The following PARN variants were observed in gnomAD, a reference collection of about 807,000 sequenced individuals.
PARN encodes poly(A)-specific ribonuclease PARN.
A neutral mutation model predicts 102.8 loss-of-function variants in PARN; 71 were observed. The observed-to-expected ratio is 0.69, with a 90% confidence interval of 0.57 to 0.84. PARN has a LOEUF of 0.84. PARN is among the 40% of genes least tolerant of loss of function. PARN has a pLI of 0.00. For missense variants in PARN, 782 were observed against 760.9 expected, an observed-to-expected ratio of 1.03 and a Z score of -0.33; for synonymous variants, 261 against 252.9, an observed-to-expected ratio of 1.03 and a Z score of -0.30.
intron 20 of PARN, among the ~76,000 whole-genome samples, chr16:14,553,099 A>C (rs1261302044): frequency 6.6e-6 from 1 of 151,698 alleles, no homozygotes; most frequent in Non-Finnish European, 1.5e-5. Context: ...CTACTATTCT[A>C]AAATATCAAT....
At chr16:14,454,420 C>A (rs1961593626) in intron 22 of PARN, among the ~76,000 whole-genome samples, 2 of 152,172 alleles carry the variant, frequency 1.3e-5, no homozygotes, top group African/African-American at 4.8e-5. Context: ...TTGACTAAGT[C>A]CAATTTATCA....
At chr16:14,609,807 T>C (rs1971411711) in intron 7 of PARN, among the ~76,000 whole-genome samples, 1 of 152,218 alleles carries the variant, frequency 6.6e-6, no homozygotes, top group Non-Finnish European at 1.5e-5. Context: ...AACATGGACA[T>C]GCTACAGGCT....
chr16:14,542,812 G>T (rs1966849653), intron 21 of PARN, among the ~76,000 whole-genome samples: 1 of 151,982 alleles, frequency 6.6e-6, no homozygotes. Flanking sequence ...CAGAAAAAAG[G>T]AACAGAGCAT....
intron 17 of PARN, 136 bp downstream of exon 17, chr16:14,582,045 C>T: frequency 1.4e-6 from 1 of 692,952 alleles, no homozygotes; most frequent in Non-Finnish European, 2.6e-6. Flanking sequence ...TTTCCAGCCT[C>T]CTGAACATGA....
chr16:14,536,395 A>T (rs1450861806), intron 21 of PARN, among the ~76,000 whole-genome samples: 1 of 152,194 alleles, frequency 6.6e-6, no homozygotes, highest in Non-Finnish European at 1.5e-5. Flanking sequence ...CTCAGAAATA[A>T]GGATCCTTAT....
chr16:14,526,822 G>A (rs1467308507), intron 21 of PARN, among the ~76,000 whole-genome samples: 1 of 152,184 alleles, frequency 6.6e-6, no homozygotes, highest in Non-Finnish European at 1.5e-5. Flanking sequence ...GAGTGGCCGG[G>A]CCTCCCTGCA....
rs564863266 is a variant in PARN at position 14,630,244 on chromosome 16, C to A, written c.-119G>T. 4.3e-4 allele frequency: 375 copies of A among 871,548 alleles called. 2 individuals carry two copies. In the Middle Eastern group the frequency reaches 0.014, roughly 31 times the overall value. The allele number at this position is 871,548 out of a possible 1,614,324, so 54.0% of individuals were successfully genotyped here. On this transcript the variant is annotated 5_prime_UTR_variant, in exon 1 of 24. Coordinates refer to ENST00000437198, the MANE Select transcript of PARN (RefSeq NM_002582.4). ...GAGGCAGCCGCAGCGGTGACGCCGGCCGCGACTTCCGGAAACAGCGCGCGC... is the reference window on the plus strand; with the variant it reads ...GAGGCAGCCGCAGCGGTGACGCCGGACGCGACTTCCGGAAACAGCGCGCGC...
intron 16 of PARN, among the ~76,000 whole-genome samples, chr16:14,583,573 GC>G (rs1397104561): frequency 6.6e-6 from 1 of 152,028 alleles, no homozygotes; most frequent in Non-Finnish European, 1.5e-5. Context: ...TCCCCCAATG[GC>G]CCCACCACCA....
At chr16:14,521,297 C>T (rs895652662) in intron 21 of PARN, among the ~76,000 whole-genome samples, 1 of 152,160 alleles carries the variant, frequency 6.6e-6, no homozygotes, top group East Asian at 1.9e-4. Context: ...CTCTTGCAGC[C>T]GTTCTCTGAA....
intron 18 of PARN, among the ~76,000 whole-genome samples, chr16:14,557,946 T>A (rs564894856): frequency 6.6e-6 from 1 of 152,328 alleles, no homozygotes; most frequent in African/African-American, 2.4e-5. Context: ...TATCATTATT[T>A]TCGCCTACCA....
chr16:14,467,334 G>C (rs1440131161), intron 22 of PARN, among the ~76,000 whole-genome samples: 1 of 152,110 alleles, frequency 6.6e-6, no homozygotes, highest in Admixed American at 6.5e-5. Context: ...TCAGAACAAG[G>C]AATCACCTAC....
At chr16:14,598,621 C>T (rs1318824004) in intron 12 of PARN, among the ~76,000 whole-genome samples, 1 of 152,184 alleles carries the variant, frequency 6.6e-6, no homozygotes, top group Non-Finnish European at 1.5e-5. Context: ...AGGCTCACAG[C>T]ATTGTTTCTC....
chr16:14,482,804 C>G lies in PARN; in HGVS notation c.1504G>C (p.Glu502Gln). Residue 502 changes from glutamate (E) to glutamine (Q), a missense_variant, in exon 22 of 24, where the codon GAA (glutamate) becomes CAA (glutamine). Coordinates refer to ENST00000437198, the MANE Select transcript of PARN (RefSeq NM_002582.4). ...GCATAGGTTTGGATCCGATAGCTTT[C>G]TGCATATTTGCTGGTATTGACAGCT... ...KIAVNTSKYA[E>Q]SYRIQTYAEY... The G allele has an allele frequency of 1.2e-6, 2 of 1,611,058 alleles. No individual in the cohort carries two copies. The highest frequency in any genetic ancestry group is 1.7e-6 in the Non-Finnish European group (2 of 1,179,076).
intron 22 of PARN, among the ~76,000 whole-genome samples, chr16:14,474,198 T>C (rs1166929219): frequency 1.3e-5 from 2 of 152,002 alleles, no homozygotes; most frequent in Non-Finnish European, 2.9e-5. Context: ...GGAGATGGGG[T>C]CTTGTCATGT....
At chr16:14,437,859 C>T (rs1469446969) in intron 23 of PARN, among the ~76,000 whole-genome samples, 2 of 152,128 alleles carry the variant, frequency 1.3e-5, no homozygotes, top group African/African-American at 2.4e-5. Context: ...TGGTTATCAT[C>T]AGTAACAGGG....
intron 6 of PARN, among the ~76,000 whole-genome samples, chr16:14,616,287 A>G (rs1407398762): frequency 6.6e-6 from 1 of 152,178 alleles, no homozygotes; most frequent in African/African-American, 2.4e-5. Flanking sequence ...CCTGATGTAG[A>G]AGAGAAATCA....
At chr16:14,618,638 G>A (rs553001076) in intron 5 of PARN, among the ~76,000 whole-genome samples, 8 of 148,568 alleles carry the variant, frequency 5.4e-5, no homozygotes, top group Non-Finnish European at 8.9e-5. Flanking sequence ...CAGCCCAGGC[G>A]AGAGAGCAAG....
Position 14,603,725 on chromosome 16 carries a change from C to A in PARN, c.783+421G>T, listed in dbSNP as rs1016239427. On this transcript the variant is annotated intron_variant, in intron 11 of 23. Transcript: ENST00000437198. ...CTTACTCACTCGAAACCATTCTTCA[C>A]ACAGCAAGCAGGGTGATGTTCCAAC... is the stretch of plus-strand genomic sequence containing the variant. Among the ~76,000 whole-genome samples the A allele has an allele frequency of 2.6e-5, 4 of 152,346 alleles. No individual in the cohort carries two copies. The East Asian group carries it at 7.7e-4, about 29-fold the overall frequency.
chr16:14,582,357 A>C (rs2151751239), intron 16 of PARN, 66 bp from the exon 17 acceptor site: 1 of 1,001,586 alleles, frequency 1.0e-6, no homozygotes, highest in Non-Finnish European at 1.6e-6. Context: ...CCTACCAATC[A>C]AAATTGCATT....
Sources: gnomAD v4.1 joint callset for allele counts (sites outside exome capture counted in the v4.1 genomes callset) on GRCh38, gnomAD v4.1.1 for gene constraint, MANE v1.5 for transcripts, NCBI Gene and HGNC (gene_info 2026-07-23, HGNC 2026-07-21) for gene names.